DEFB110: variants seen among roughly 807,000 people sequenced by gnomAD.
DEFB110 encodes the protein beta-defensin 110.
In DEFB110, 4 loss-of-function variants were observed where a neutral mutation model predicts 2.5. The observed-to-expected ratio is 1.60, with a 90% CI of 0.79 to 3.66. The LOEUF (loss-of-function observed/expected upper bound fraction) is 3.66. Ranked by LOEUF, DEFB110 falls within the 30% of genes most tolerant of loss-of-function variation. The pLI is 0.01. For synonymous variants in DEFB110, 29 were observed against 21.8 expected (o/e 1.33, Z -0.92); for missense variants, 94 against 75.4 (o/e 1.25, Z -0.91).
chr6:50,010,490 A>C (rs1210812776), intron 1 of DEFB110, among the ~76,000 whole-genome samples: 1 of 151,446 alleles, frequency 6.6e-6, no homozygotes, highest in East Asian at 1.9e-4. Context: ...TAAACGTAAG[A>C]TGGAAGAGAC....
downstream of DEFB110, among the ~76,000 whole-genome samples, chr6:50,015,465 C>T (rs1180991039): frequency 6.6e-6 from 1 of 151,796 alleles, no homozygotes; most frequent in Non-Finnish European, 1.5e-5. Flanking sequence ...CTCAGTTACT[C>T]TTTTCCAGCA....
Position 50,018,951 on chromosome 6 carries a change from C to T in DEFB110, c.*26G>A, listed in dbSNP as rs765825274. On this transcript the variant is annotated 3_prime_UTR_variant, in exon 2 of 2. Transcript: ENST00000371148. ...ATAACGCTGGTCTCTCTTCTTGGAGCTTGTGACTCTTTTCTTCTGTCATCG... is the reference window on the plus strand; with the variant it reads ...ATAACGCTGGTCTCTCTTCTTGGAGTTTGTGACTCTTTTCTTCTGTCATCG... 1.1e-4 allele frequency: 182 copies of T among 1,598,642 alleles called. No homozygotes were observed. The highest frequency in any genetic ancestry group is 1.5e-4 in the Non-Finnish European group (179 of 1,173,648).
At chr6:50,021,457 C>G (rs1197459764) in intron 1 of DEFB110, among the ~76,000 whole-genome samples, 1 of 152,226 alleles carries the variant, frequency 6.6e-6, no homozygotes, top group South Asian at 2.1e-4. Flanking sequence ...CAAGTCCAAT[C>G]TGTCTGAAGT....
chr6:50,017,324 T>G (rs1437114163), downstream of DEFB110, among the ~76,000 whole-genome samples: 1 of 151,888 alleles, frequency 6.6e-6, no homozygotes, highest in Admixed American at 6.6e-5. Flanking sequence ...AAAATCTCAC[T>G]GATTTTTTTA....
Position 50,018,848 on chromosome 6 carries a change from G to A in DEFB110, c.*129C>T. The A allele has an allele frequency of 7.0e-7, 1 of 1,426,280 alleles. No individual in the cohort carries two copies. Among genetic ancestry groups the A allele is most frequent in the Non-Finnish European group, 9.1e-7 (1 of 1,096,534 alleles). The allele number at this position is 1,426,280 out of a possible 1,614,324, so 88.4% of individuals were successfully genotyped here. A position where few individuals can be genotyped will look rare whatever the true frequency, so the allele number is the denominator to read the frequency against. The stretch of plus-strand genomic sequence containing the variant: ...GCGTGACATATGATCACTTCTGAAT[G>A]GTTCAACATTAATTTTTATTTAGTT... On this transcript the variant is annotated 3_prime_UTR_variant, in exon 2 of 2. Transcript: ENST00000371148.
chr6:50,015,010 A>G (rs1392705287), downstream of DEFB110, among the ~76,000 whole-genome samples: 1 of 151,804 alleles, frequency 6.6e-6, no homozygotes, highest in Non-Finnish European at 1.5e-5. Flanking sequence ...CATGTCCAAA[A>G]TTGGATCAAT....
Position 50,011,503 on chromosome 6 carries a change from C to T in DEFB110, c.56-2232G>A, listed in dbSNP as rs75577656. 7.2e-3 allele frequency among the ~76,000 whole-genome samples: 1,089 copies of T among 152,084 alleles called. 21 individuals carry two copies. The highest frequency in any genetic ancestry group is 0.025 in the African/African-American group (1,020 of 41,526). On this transcript the variant is annotated intron_variant, in intron 1 of 1. Transcript: ENST00000393660. ...GAGTCTCATCAAGAGTGAGGTACCACAAATAGAGTGGAGATATGCTGTGGA... is the reference window on the plus strand; with the variant it reads ...GAGTCTCATCAAGAGTGAGGTACCATAAATAGAGTGGAGATATGCTGTGGA...
At chr6:50,011,353 T>C (rs556448857) in intron 1 of DEFB110, among the ~76,000 whole-genome samples, 5 of 152,182 alleles carry the variant, frequency 3.3e-5, no homozygotes, top group African/African-American at 7.2e-5. Flanking sequence ...CACTCACTTA[T>C]ATTTCCGCAC....
intron 1 of DEFB110, chr6:50,009,330 G>C: frequency 6.6e-7 from 1 of 1,505,236 alleles, no homozygotes. Context: ...GGGTTTTCTT[G>C]CTAAAGAAAG....
downstream of DEFB110, chr6:50,018,781 A>T (rs1774361713): frequency 7.9e-7 from 1 of 1,260,914 alleles, no homozygotes; most frequent in East Asian, 3.2e-5. Context: ...TCTGGTACCA[A>T]CAAATCAGGA....
At chr6:50,014,168 G>T (rs1325183540), downstream of DEFB110, among the ~76,000 whole-genome samples, 2 of 151,804 alleles carry the variant, frequency 1.3e-5, no homozygotes, top group African/African-American at 4.8e-5. Context: ...AATAGCAATC[G>T]ATTCTAGCAT....
At chr6:50,018,601 A>T (rs1177975407), downstream of DEFB110, among the ~76,000 whole-genome samples, 1 of 151,824 alleles carries the variant, frequency 6.6e-6, no homozygotes, top group Non-Finnish European at 1.5e-5. Context: ...ATAACAGCGC[A>T]TTTCCACTGG....
chr6:50,012,431 C>A (rs1456822673), intron 1 of DEFB110, among the ~76,000 whole-genome samples: 2 of 151,840 alleles, frequency 1.3e-5, no homozygotes, highest in Admixed American at 6.6e-5. Flanking sequence ...GGACCTAATT[C>A]ATATTATATA....
intron 1 of DEFB110, among the ~76,000 whole-genome samples, chr6:50,020,787 G>A (rs1405928043): frequency 1.3e-5 from 2 of 152,274 alleles, no homozygotes; most frequent in African/African-American, 4.8e-5. Flanking sequence ...GCATAGAAGA[G>A]CATCTAGTTA....
At chr6:50,015,872 T>C (rs1488504620), downstream of DEFB110, among the ~76,000 whole-genome samples, 2 of 151,822 alleles carry the variant, frequency 1.3e-5, no homozygotes, top group African/African-American at 4.8e-5. Context: ...TTATTATCCA[T>C]ATTACAAATT....
chr6:50,018,788 A>C (rs900742148), downstream of DEFB110: 12 of 1,266,180 alleles, frequency 9.5e-6, no homozygotes, highest in Admixed American at 8.2e-5. Context: ...CCAACAAATC[A>C]GGAGAAAAGT....
At chr6:50,014,837 A>T (rs1160164540), downstream of DEFB110, among the ~76,000 whole-genome samples, 1 of 151,766 alleles carries the variant, frequency 6.6e-6, no homozygotes, top group Non-Finnish European at 1.5e-5. Flanking sequence ...CCTCCTGCTT[A>T]TGAATGAAGA....
downstream of DEFB110, among the ~76,000 whole-genome samples, chr6:50,014,611 A>C (rs1200167442): frequency 2.0e-5 from 3 of 151,814 alleles, no homozygotes; most frequent in African/African-American, 7.2e-5. Flanking sequence ...GACAGTTGTG[A>C]AGAATACCTA....
Position 50,021,957 on chromosome 6 carries a change from A to G in DEFB110, c.-22T>C. On this transcript the variant is annotated 5_prime_UTR_variant, in exon 1 of 2. Coordinates refer to ENST00000371148, the MANE Select transcript of DEFB110 (RefSeq NM_001037497.2). ...TCATGGTAGAGAGTTTCTTAAAAAA[A>G]GGGGGCAACAGACCTCCTTTTTCAA... The G allele has an allele frequency of 2.0e-6, 3 of 1,529,640 alleles. No individual in the cohort carries two copies. Among genetic ancestry groups the G allele is most frequent in the South Asian group, 1.3e-5 (1 of 77,032 alleles). 94.8% of individuals were successfully genotyped at this position (1,529,640 alleles called of 1,614,324 possible).
Sources: gnomAD v4.1 joint callset for allele counts (sites outside exome capture counted in the v4.1 genomes callset) on GRCh38, gnomAD v4.1.1 for gene constraint, MANE v1.5 for transcripts, NCBI Gene and HGNC (gene_info 2026-07-23, HGNC 2026-07-21) for gene names.